The following GEMIN5 variants were observed in gnomAD, a reference collection of about 807,000 sequenced individuals.
GEMIN5 encodes gem nuclear organelle associated protein 5.
In GEMIN5, 124 loss-of-function variants were observed where a neutral mutation model predicts 176.9. The observed-to-expected ratio is 0.70, with a 90% CI of 0.61 to 0.81. The LOEUF is 0.81. Among genes scored for constraint, GEMIN5 ranks in the 40% least tolerant of loss-of-function variants. The pLI, the probability that GEMIN5 is intolerant of heterozygous loss-of-function variation, is 0.00. For missense variants in GEMIN5, 1,843 were observed against 1,814.6 expected (o/e 1.02, Z -0.28); for synonymous variants, 673 against 665.2 (o/e 1.01, Z -0.18).
At chr5:154,924,858 G>A (rs138992297) in intron 8 of GEMIN5, among the ~76,000 whole-genome samples, 15,899 of 151,748 alleles carry the variant, frequency 0.1, 949 homozygotes, top group Admixed American at 0.15. Flanking sequence ...GCGTGGTGGC[G>A]GGCGCCTGTA....
Position 154,917,950 on chromosome 5 carries a change from C to T in GEMIN5, c.1654G>A (p.Ala552Thr), listed in dbSNP as rs1183281818. The T allele has an allele frequency of 9.3e-6, 15 of 1,611,384 alleles. No individual in the cohort carries two copies. The highest frequency in any genetic ancestry group is 1.3e-5 in the Non-Finnish European group (15 of 1,177,698). Residue 552 changes from alanine to threonine, a missense_variant, in exon 12 of 28, where the codon GCT becomes ACT. Transcript: ENST00000285873. ...ISWKADGKIM[A>T]LGNEDGSIEI... ...ACATACCCATCTTCATTGCCAAGAG[C>T]CATGATTTTGCCATCTGCTTTCCAA...
intron 26 of GEMIN5, 90 bp from the exon 27 acceptor site, chr5:154,889,507 T>C (rs1007422490): frequency 4.3e-6 from 3 of 689,816 alleles, no homozygotes; most frequent in East Asian, 2.7e-5. Context: ...AAAATGTATA[T>C]AACATAAAGC....
intron 19 of GEMIN5, 88 bp downstream of exon 19, chr5:154,902,992 C>A: frequency 1.1e-6 from 1 of 880,050 alleles, no homozygotes; most frequent in Non-Finnish European, 1.8e-6. Context: ...ATTATAATAT[C>A]ACAGGATGAC....
intron 24 of GEMIN5, among the ~76,000 whole-genome samples, chr5:154,894,080 G>A (rs1582649528): frequency 6.6e-6 from 1 of 152,046 alleles, no homozygotes. Context: ...TAGTACCTGG[G>A]ATTACAGGCT....
rs1454531408 is a variant in GEMIN5 at position 154,891,306 on chromosome 5, A to G, written c.4197T>C (p.Asn1399=). ...CTTCCGGTTCATTCTTATCAGGACC[A>G]TTTGCTGTGGATTTACAGAGTTGAC... ...QKSQLCKSTA[N]GPDKNEPEVE... The change falls in exon 26 of 28, where the codon AAT becomes AAC. Residue 1399 remains asparagine, a synonymous_variant. Coordinates refer to ENST00000285873, the MANE Select transcript of GEMIN5 (RefSeq NM_015465.5). 1.2e-6 allele frequency: 2 copies of G among 1,613,964 alleles called. No individual in the cohort carries two copies. The highest frequency in any genetic ancestry group is 4.5e-5 in the East Asian group (2 of 44,882).
chr5:154,924,022 T>A (rs753832620), intron 9 of GEMIN5, among the ~76,000 whole-genome samples: 3 of 152,250 alleles, frequency 2.0e-5, no homozygotes, highest in Non-Finnish European at 2.9e-5. Flanking sequence ...TTTAGTAATG[T>A]ATTTTATTTA....
At chr5:154,933,785 A>T (rs1764211819) in intron 3 of GEMIN5, among the ~76,000 whole-genome samples, 1 of 152,096 alleles carries the variant, frequency 6.6e-6, no homozygotes. Flanking sequence ...AGATCAAGCT[A>T]TTTAGAAATC....
At chr5:154,896,445 C>T (rs1763354372) in intron 23 of GEMIN5, 102 bp from the exon 24 acceptor site, 3 of 1,236,086 alleles carry the variant, frequency 2.4e-6, no homozygotes, top group Non-Finnish European at 3.3e-6. Context: ...TTTGTATCTG[C>T]AGCAACCAAA....
At chr5:154,910,974 A>G (rs948192974) in intron 15 of GEMIN5, among the ~76,000 whole-genome samples, 2 of 152,188 alleles carry the variant, frequency 1.3e-5, no homozygotes, top group African/African-American at 4.8e-5. Context: ...CTGGGATTAC[A>G]GGTGTGAGCC....
chr5:154,921,311 CAT>C (rs1763915728), intron 10 of GEMIN5, 30 bp downstream of exon 10: 2 of 914,114 alleles, frequency 2.2e-6, no homozygotes, highest in Admixed American at 3.5e-5. Flanking sequence ...AGAATACTCT[CAT>C]ATTTGTTATG....
Position 154,897,418 on chromosome 5 carries a change from T to C in GEMIN5, c.3345+1022A>G, listed in dbSNP as rs191689815. ...CTGTTTTGATGTGTCAAAAAGGCAG[T>C]GGTATGTTACTGATTTTTAATCAGA... On this transcript the variant is annotated intron_variant, in intron 23 of 27. Coordinates refer to ENST00000285873, the MANE Select transcript of GEMIN5 (RefSeq NM_015465.5). Among the ~76,000 whole-genome samples, 47 of 152,300 alleles carry C rather than the reference T, an allele frequency of 3.1e-4. No individual in the cohort carries two copies. The East Asian group carries it at 7.5e-3, about 24-fold the overall frequency.
At chr5:154,933,858 C>T (rs940972207) in intron 3 of GEMIN5, among the ~76,000 whole-genome samples, 4 of 152,038 alleles carry the variant, frequency 2.6e-5, no homozygotes, top group Admixed American at 6.6e-5. Context: ...TGCCTACCAC[C>T]TTTCTGTTCA....
intron 11 of GEMIN5, among the ~76,000 whole-genome samples, chr5:154,918,309 TG>T (rs1437697978): frequency 6.6e-6 from 1 of 152,204 alleles, no homozygotes; most frequent in African/African-American, 2.4e-5. Context: ...GCTTGGACAA[TG>T]TGGGGACCAT....
intron 13 of GEMIN5, 66 bp downstream of exon 13, chr5:154,916,932 A>G (rs1479188850): frequency 8.5e-6 from 7 of 827,548 alleles, no homozygotes; most frequent in Non-Finnish European, 1.2e-5. Flanking sequence ...AAAAAGTAAC[A>G]AAGATTAGAA....
intron 18 of GEMIN5, among the ~76,000 whole-genome samples, chr5:154,903,495 G>C (rs1205465793): frequency 6.6e-6 from 1 of 152,030 alleles, no homozygotes; most frequent in African/African-American, 2.4e-5. Flanking sequence ...CAAAAAAAAA[G>C]TCAACTGAGT....
At chr5:154,907,456 T>TG (rs76813157) in intron 16 of GEMIN5, 135 bp downstream of exon 16, 63 of 542,750 alleles carry the variant, frequency 1.2e-4, no homozygotes, top group Admixed American at 3.6e-4. Context: ...GAATAAAGCT[T>TG]AACAAAAAAA....
In GEMIN5 at chr5:154,928,623, C is replaced by T. The variant is rs755298813; in HGVS notation, c.818G>A (p.Arg273Lys). ...MILKLPFLKRRGGGIDPTVKE... is the reference protein window; with the variant it reads ...MILKLPFLKRKGGGIDPTVKE... ...AACAGTTGGGTCTATACCCCCTCCT[C>T]TTCTCTTCAGAAAGGGCAATTTCAA... Residue 273 changes from arginine to lysine, a missense_variant, in exon 6 of 28, where the codon AGA becomes AAA. Arg to Lys is a conservative substitution (Grantham distance 26). Coordinates refer to ENST00000285873, the MANE Select transcript of GEMIN5 (RefSeq NM_015465.5). 23 of 1,613,784 alleles carry T rather than the reference C, an allele frequency of 1.4e-5. No homozygotes were observed. The highest frequency in any genetic ancestry group is 1.6e-4 in the Middle Eastern group (1 of 6,080).
At chr5:154,928,284 A>C (rs928851380) in intron 6 of GEMIN5, among the ~76,000 whole-genome samples, 8 of 152,246 alleles carry the variant, frequency 5.3e-5, no homozygotes, top group Non-Finnish European at 1.2e-4. Context: ...GCAGTAAGTG[A>C]CAAAGTGATT....
intron 13 of GEMIN5, among the ~76,000 whole-genome samples, chr5:154,913,368 T>C (rs1763745869): frequency 6.6e-6 from 1 of 152,148 alleles, no homozygotes; most frequent in Non-Finnish European, 1.5e-5. Context: ...AGCATATAGA[T>C]TACCACAAGA....
Sources: gnomAD v4.1 joint callset for allele counts (sites outside exome capture counted in the v4.1 genomes callset) on GRCh38, gnomAD v4.1.1 for gene constraint, MANE v1.5 for transcripts, NCBI Gene and HGNC (gene_info 2026-07-23, HGNC 2026-07-21) for gene names.